Variants in ERC2 observed in about 807,000 individuals in gnomAD.
ERC2 encodes ERC protein 2.
A neutral mutation model predicts 114.8 loss-of-function variants in ERC2; 42 were observed. That is an observed-to-expected ratio of 0.37 (90% confidence interval 0.29 to 0.47). The LOEUF is 0.47. Ranked by LOEUF, ERC2 falls within the 20% of genes least tolerant of loss-of-function variation. The probability of loss-of-function intolerance (pLI) is 0.99; values close to 1 mark genes in which losing one functional copy is unlikely to be tolerated. For missense variants in ERC2, 939 were observed against 1,150.7 expected, an observed-to-expected ratio of 0.82 and a Z score of 2.66; for synonymous variants, 454 against 425.5, an observed-to-expected ratio of 1.07 and a Z score of -0.82.
chr3:55,542,304 G>GTAAA (rs1559623723), intron 17 of ERC2, among the ~76,000 whole-genome samples: 1 of 152,148 alleles, frequency 6.6e-6, no homozygotes, highest in East Asian at 1.9e-4. Context: ...GCCCAAGATG[G>GTAAA]TAAATACATC....
chr3:56,207,410 CTATT>C (rs2048807040), intron 3 of ERC2, among the ~76,000 whole-genome samples: 1 of 152,048 alleles, frequency 6.6e-6, no homozygotes, highest in Non-Finnish European at 1.5e-5. Context: ...ATTTTTCTAA[CTATT>C]TATATATCCT....
chr3:55,737,540 T>G (rs1348759027), intron 14 of ERC2, among the ~76,000 whole-genome samples: 1 of 152,212 alleles, frequency 6.6e-6, no homozygotes, highest in East Asian at 1.9e-4. Context: ...TTATCCCCTC[T>G]GTTGCAAACT....
At chr3:56,195,132 C>T (rs2048017426) in intron 3 of ERC2, among the ~76,000 whole-genome samples, 1 of 151,998 alleles carries the variant, frequency 6.6e-6, no homozygotes, top group Admixed American at 6.6e-5. Context: ...GGCTTTGGGG[C>T]CATTATTAAG....
chr3:55,714,860 A>C (rs1576276554), intron 15 of ERC2, among the ~76,000 whole-genome samples: 1 of 144,110 alleles, frequency 6.9e-6, no homozygotes, highest in Non-Finnish European at 1.5e-5. Context: ...AAAAAAAAAA[A>C]GGTTTCTCTG....
chr3:55,596,939 GATTT>G (rs2058167324), intron 17 of ERC2, among the ~76,000 whole-genome samples: 1 of 152,110 alleles, frequency 6.6e-6, no homozygotes, highest in South Asian at 2.1e-4. Flanking sequence ...AGATTTAGAA[GATTT>G]ATTAGATAAC....
chr3:55,702,073 C>G (rs1293410103), intron 15 of ERC2, among the ~76,000 whole-genome samples: 1 of 151,804 alleles, frequency 6.6e-6, no homozygotes, highest in Non-Finnish European at 1.5e-5. Flanking sequence ...CAGCAACAAG[C>G]CTAAAGTTCC....
intron 3 of ERC2, among the ~76,000 whole-genome samples, chr3:56,246,881 A>G (rs919424802): frequency 6.6e-6 from 1 of 152,240 alleles, no homozygotes; most frequent in Non-Finnish European, 1.5e-5. Context: ...TCAACTATCT[A>G]ACAACTGGTG....
chr3:55,773,792 G>A (rs1316669712), intron 14 of ERC2, among the ~76,000 whole-genome samples: 8 of 152,144 alleles, frequency 5.3e-5, no homozygotes, highest in African/African-American at 1.2e-4. Flanking sequence ...AAGTATCCTC[G>A]CCTTCTTGCA....
intron 13 of ERC2, among the ~76,000 whole-genome samples, chr3:55,945,429 A>G (rs1191133702): frequency 6.6e-6 from 1 of 152,242 alleles, no homozygotes; most frequent in African/African-American, 2.4e-5. Flanking sequence ...AGTGGCTTGG[A>G]GAGATGAACA....
intron 17 of ERC2, among the ~76,000 whole-genome samples, chr3:55,569,185 A>C (rs1351518246): frequency 1.3e-5 from 2 of 152,236 alleles, no homozygotes; most frequent in African/African-American, 2.4e-5. Context: ...TCAGGGAGAA[A>C]GAATGCTTAT....
chr3:56,125,462 G>T (rs939121938), intron 6 of ERC2, among the ~76,000 whole-genome samples: 2 of 152,134 alleles, frequency 1.3e-5, no homozygotes, highest in African/African-American at 4.8e-5. Context: ...GCAGCCCAAG[G>T]CACTTCCAGG....
intron 17 of ERC2, among the ~76,000 whole-genome samples, chr3:55,594,775 C>G (rs574594520): frequency 1.3e-5 from 2 of 152,136 alleles, no homozygotes; most frequent in Admixed American, 1.3e-4. Context: ...TGAGCCACTG[C>G]GCCTGGCCAG....
At chr3:56,026,099 T>A (rs2074034463) in intron 7 of ERC2, among the ~76,000 whole-genome samples, 1 of 134,050 alleles carries the variant, frequency 7.5e-6, no homozygotes, top group African/African-American at 2.7e-5. Context: ...GGAGTCTCAC[T>A]CTGTTGCCCA....
intron 6 of ERC2, among the ~76,000 whole-genome samples, chr3:56,092,903 C>T (rs2077869991): frequency 6.6e-6 from 1 of 152,102 alleles, no homozygotes. Flanking sequence ...AAATATTGAT[C>T]CCGCTTAGAT....
chr3:55,720,137 TTCTTCC>T (rs2064398163), intron 15 of ERC2, among the ~76,000 whole-genome samples: 10 of 1,080 alleles, frequency 9.3e-3, no homozygotes, highest in Non-Finnish European at 0.015. Flanking sequence ...CTTCCTCTTC[TTCTTCC>T]TCTTCTTCTT....
At chr3:56,082,149 G>T (rs1005578583) in intron 6 of ERC2, among the ~76,000 whole-genome samples, 21 of 152,172 alleles carry the variant, frequency 1.4e-4, no homozygotes, top group Non-Finnish European at 2.1e-4. Context: ...TACTGTTATG[G>T]TCTGAATGTG....
At chr3:56,036,046 A>ATTG (rs777695767) in intron 7 of ERC2, among the ~76,000 whole-genome samples, 9 of 152,220 alleles carry the variant, frequency 5.9e-5, no homozygotes, top group Non-Finnish European at 8.8e-5. Flanking sequence ...GGGATGAAGA[A>ATTG]TTGTTCAACA....
intron 10 of ERC2, among the ~76,000 whole-genome samples, chr3:55,997,670 A>G (rs1214700969): frequency 1.3e-5 from 2 of 150,146 alleles, no homozygotes; most frequent in Non-Finnish European, 3.0e-5. Context: ...TGTTTCTAAT[A>G]ATAAGACAAA....
chr3:56,073,349 C>T (rs1286584463), intron 7 of ERC2, among the ~76,000 whole-genome samples: 1 of 152,132 alleles, frequency 6.6e-6, no homozygotes, highest in Non-Finnish European at 1.5e-5. Context: ...GTGTCCTCTG[C>T]ATATTAGGAC....
Sources: gnomAD v4.1 joint callset for allele counts (sites outside exome capture counted in the v4.1 genomes callset) on GRCh38, gnomAD v4.1.1 for gene constraint, MANE v1.5 for transcripts, NCBI Gene and HGNC (gene_info 2026-07-23, HGNC 2026-07-21) for gene names.